Variants in MAP4K5 observed in about 807,000 individuals in gnomAD.
The protein encoded by MAP4K5 is MAPK/ERK kinase kinase kinase 5.
A neutral mutation model predicts 135.6 loss-of-function variants in MAP4K5; 82 were observed. That is an observed-to-expected ratio of 0.60 (90% CI 0.51 to 0.73). The LOEUF is 0.73. Among genes scored for constraint, MAP4K5 ranks in the 30% least tolerant of loss-of-function variants. MAP4K5 has a pLI of 0.00. For missense variants in MAP4K5, 907 were observed against 1,010.9 expected (o/e 0.90, Z 1.39); for synonymous variants, 347 against 335.0 (o/e 1.04, Z -0.39).
At chr14:50,523,448 G>A (rs1452829276) in intron 2 of MAP4K5, among the ~76,000 whole-genome samples, 1 of 152,158 alleles carries the variant, frequency 6.6e-6, no homozygotes, top group Admixed American at 6.6e-5. Flanking sequence ...ACAGACACAG[G>A]TTCCGGTGAC....
intron 23 of MAP4K5, 159 bp from the exon 24 acceptor site, chr14:50,438,253 T>C: frequency 4.6e-6 from 2 of 433,796 alleles, no homozygotes; most frequent in Non-Finnish European, 8.4e-6. Flanking sequence ...TACTAATAGG[T>C]GATCTGGGCA....
chr14:50,541,095 C>G (rs555584669), intron 2 of MAP4K5, among the ~76,000 whole-genome samples: 1 of 152,206 alleles, frequency 6.6e-6, no homozygotes, highest in East Asian at 1.9e-4. Flanking sequence ...GACTTGAAAA[C>G]TAGAAAGTAG....
chr14:50,476,162 A>G lies in MAP4K5; in HGVS notation c.435T>C (p.Asn145=). The change falls in exon 8 of 33, where the codon AAT becomes AAC. Residue 145 remains asparagine (N), a synonymous_variant. Transcript: ENST00000682126. The part of the protein sequence containing the change: ...GKMHRDIKGA[N]ILLTDHGDVK... ...CATCGCCATGGTCTGTCAATAAAATATTAGCACCCTAGAACAAAAATACAA... is the reference window on the plus strand; with the variant it reads ...CATCGCCATGGTCTGTCAATAAAATGTTAGCACCCTAGAACAAAAATACAA... 2 of 1,512,886 alleles carry G rather than the reference A, an allele frequency of 1.3e-6. No individual in the cohort carries two copies. Among genetic ancestry groups the G allele is most frequent in the Non-Finnish European group, 1.8e-6 (2 of 1,124,080 alleles). The allele number at this position is 1,512,886 out of a possible 1,614,324, so 93.7% of individuals were successfully genotyped here. A position where few individuals can be genotyped will look rare whatever the true frequency, so the allele number is the denominator to read the frequency against.
At chr14:50,544,655 G>A (rs1328894354) in intron 1 of MAP4K5, among the ~76,000 whole-genome samples, 3 of 152,134 alleles carry the variant, frequency 2.0e-5, no homozygotes, top group Non-Finnish European at 4.4e-5. Flanking sequence ...TAAGGTGGCT[G>A]GGCGATGGTG....
rs773918568 is a variant in MAP4K5 at position 50,554,106 on chromosome 14, A to G, written c.-180+6934T>C. Among the ~76,000 whole-genome samples, 181 of 149,238 alleles carry G rather than the reference A, an allele frequency of 1.2e-3. 7 individuals are homozygous for G. Among genetic ancestry groups the G allele is most frequent in the Non-Finnish European group, 5.2e-4 (35 of 67,632 alleles). ...CCCCAAAAACTATTGAAATTTTTAA[A>G]AAGTTTTTTTTTTTTAATCCACAAA... On this transcript the variant is annotated intron_variant, in intron 1 of 8. Transcript: ENST00000555216.
intron 2 of MAP4K5, among the ~76,000 whole-genome samples, chr14:50,529,146 G>A (rs1010391661): frequency 6.6e-6 from 1 of 152,102 alleles, no homozygotes; most frequent in African/African-American, 2.4e-5. Context: ...ACTTTGGGAG[G>A]CCGAGGCAGG....
chr14:50,477,022 AG>A (rs2037116757), intron 6 of MAP4K5, among the ~76,000 whole-genome samples: 1 of 152,200 alleles, frequency 6.6e-6, no homozygotes, highest in African/African-American at 2.4e-5. Context: ...TTTAATAAAA[AG>A]CCTCCTCAAA....
chr14:50,437,363 C>A (rs907682451), intron 26 of MAP4K5, 113 bp downstream of exon 26: 4 of 790,428 alleles, frequency 5.1e-6, no homozygotes, highest in Non-Finnish European at 8.1e-6. Flanking sequence ...TCTTACTAAA[C>A]ACAAATTTTA....
intron 14 of MAP4K5, chr14:50,450,176 A>T (rs1413959556): frequency 6.6e-6 from 1 of 152,128 alleles, no homozygotes; most frequent in East Asian, 1.9e-4. Context: ...GGAGTTCCTG[A>T]CCCCAGGTGA....
At position 50,464,044 on chromosome 14, in the gene MAP4K5, T is replaced by C. The variant is rs1189198687; in HGVS notation, c.819+8A>G. On this transcript the variant is annotated splice_region_variant and intron_variant, in intron 12 of 32. Coordinates refer to ENST00000682126, the MANE Select transcript of MAP4K5 (RefSeq NM_006575.6). Reference sequence around the variant, plus strand: ...ATAGGAAGACCCCTCGTAATTTCAATGACTTACAGTCAGAAGTCTTTCAGC... The same window carrying C: ...ATAGGAAGACCCCTCGTAATTTCAACGACTTACAGTCAGAAGTCTTTCAGC... 5.3e-6 allele frequency: 8 copies of C among 1,504,596 alleles called. No individual in the cohort carries two copies. Among genetic ancestry groups the C allele is most frequent in the Non-Finnish European group, 7.2e-6 (8 of 1,105,142 alleles). 93.2% of individuals were successfully genotyped at this position (1,504,596 alleles called of 1,614,324 possible).
chr14:50,454,897 T>A (rs575269497), intron 14 of MAP4K5, among the ~76,000 whole-genome samples: 31 of 152,036 alleles, frequency 2.0e-4, no homozygotes, highest in African/African-American at 7.2e-4. Context: ...ACAAGGTACA[T>A]ATGTGTGTGT....
intron 2 of MAP4K5, among the ~76,000 whole-genome samples, chr14:50,529,161 T>A (rs1270848467): frequency 6.6e-6 from 1 of 151,974 alleles, no homozygotes; most frequent in African/African-American, 2.4e-5. Context: ...GGCAGGCAGA[T>A]CATTTAAGCT....
intron 3 of MAP4K5, among the ~76,000 whole-genome samples, chr14:50,494,106 C>G (rs1431230139): frequency 2.6e-5 from 4 of 151,864 alleles, no homozygotes; most frequent in Non-Finnish European, 5.9e-5. Flanking sequence ...AAAGATGACA[C>G]AAATAAGTGG....
In MAP4K5 at chr14:50,425,952, A is replaced by C; in HGVS notation, c.2352T>G (p.Ala784=). ...TACCCTGCATCCCATGTTTCCAGAA[A>C]GCCAACACACTGTCTTGAAGGCATA... ...SVVCLQDSVL[A]FWKHGMQGKS... Residue 784 remains alanine, a synonymous_variant, in exon 31 of 33, where the codon GCT becomes GCG. Transcript: ENST00000682126. The C allele has an allele frequency of 6.2e-7, 1 of 1,612,676 alleles. No homozygotes were observed. The highest frequency in any genetic ancestry group is 8.5e-7 in the Non-Finnish European group (1 of 1,179,064).
chr14:50,555,582 C>T (rs1195999699), intron 1 of MAP4K5, among the ~76,000 whole-genome samples: 1 of 152,210 alleles, frequency 6.6e-6, no homozygotes, highest in Non-Finnish European at 1.5e-5. Flanking sequence ...CCGTGGCCAG[C>T]CAGTTCCTTC....
rs143658743 is a variant in MAP4K5, at chr14:50,538,107, T to C, written c.-94+4392A>G. Among the ~76,000 whole-genome samples, 571 of 152,114 alleles carry C rather than the reference T, an allele frequency of 3.8e-3. 3 individuals carry two copies. The highest frequency in any genetic ancestry group is 0.013 in the African/African-American group (537 of 41,520). On this transcript the variant is annotated intron_variant, in intron 2 of 8. Transcript: ENST00000555216. ...CGTGAGAGAGGGACCTGGTGGGAGG[T>C]AATTGAATCATGGGGGCAAATCTTT...
intron 2 of MAP4K5, among the ~76,000 whole-genome samples, chr14:50,515,643 C>T (rs1055667216): frequency 6.6e-6 from 1 of 152,186 alleles, no homozygotes; most frequent in Non-Finnish European, 1.5e-5. Context: ...GTCTTACTTT[C>T]AAATCAACAC....
At chr14:50,551,020 T>G (rs1021839975) in intron 1 of MAP4K5, among the ~76,000 whole-genome samples, 2 of 151,140 alleles carry the variant, frequency 1.3e-5, no homozygotes, top group Admixed American at 1.3e-4. Context: ...AAAAAAAAAT[T>G]AACAAAGATC....
chr14:50,537,436 C>T (rs900700985), upstream of MAP4K5, among the ~76,000 whole-genome samples: 3 of 152,300 alleles, frequency 2.0e-5, no homozygotes, highest in South Asian at 6.2e-4. Context: ...AATGTGGGGT[C>T]AGAGCCCCCA....
Sources: allele counts gnomAD v4.1 joint callset (sites outside exome capture counted in the v4.1 genomes callset), GRCh38; gene constraint gnomAD v4.1.1; transcripts MANE v1.5; gene names NCBI Gene and HGNC (gene_info 2026-07-23, HGNC 2026-07-21).